Variants in HDAC7 observed in about 807,000 individuals in gnomAD.
HDAC7 encodes the protein histone deacetylase 7A.
HDAC7 carries 26 observed loss-of-function variants against 115.5 expected under a neutral mutation model. The observed-to-expected ratio is 0.23, with a 90% confidence interval of 0.16 to 0.31. The LOEUF (loss-of-function observed/expected upper bound fraction) is 0.31, where lower values mean the gene tolerates loss of function less well. Among genes scored for constraint, HDAC7 ranks in the 10% least tolerant of loss-of-function variants. The pLI is 1.00. For synonymous variants in HDAC7, 564 were observed against 550.9 expected, an observed-to-expected ratio of 1.02 and a Z score of -0.33; for missense variants, 1,068 against 1,329.0, an observed-to-expected ratio of 0.80 and a Z score of 3.05.
intron 2 of HDAC7, among the ~76,000 whole-genome samples, 182 bp downstream of exon 2, chr12:47,802,042 C>A (rs1396393745): frequency 6.6e-6 from 1 of 152,236 alleles, no homozygotes; most frequent in African/African-American, 2.4e-5. Flanking sequence ...GCCCAGCCAG[C>A]ATCCAGAGCT....
At chr12:47,813,817 G>A (rs7303453) in intron 1 of HDAC7, among the ~76,000 whole-genome samples, 11,272 of 152,220 alleles carry the variant, frequency 0.074, 518 homozygotes, top group African/African-American at 0.13. Flanking sequence ...GGGGAAAAGC[G>A]GACCTGGAGT....
Position 47,795,503 on chromosome 12 carries a change from G to T in HDAC7, c.1087+84C>A. ...GCGCAGGACAGGGGGACAGAGATGGGGAGGAAGGATGGGTCCATCCCAAGC... is the reference window on the plus strand; with the variant it reads ...GCGCAGGACAGGGGGACAGAGATGGTGAGGAAGGATGGGTCCATCCCAAGC... On this transcript the variant is annotated intron_variant, in intron 10 of 25. Coordinates refer to ENST00000080059, the MANE Select transcript of HDAC7 (RefSeq NM_015401.5). This position sits in a 1 kb window ranked among gnomAD's most constrained non-coding sequence, Gnocchi z 4.3. 1 of 1,446,578 alleles carries T rather than the reference G, an allele frequency of 6.9e-7. No homozygotes were observed. 89.6% of individuals were successfully genotyped at this position (1,446,578 alleles called of 1,614,324 possible). A position where few individuals can be genotyped will look rare whatever the true frequency, so the allele number is the denominator to read the frequency against.
intron 1 of HDAC7, among the ~76,000 whole-genome samples, chr12:47,806,461 GGCAGATTACTT>G (rs1431639529): frequency 2.0e-5 from 3 of 152,188 alleles, no homozygotes; most frequent in Non-Finnish European, 4.4e-5. Context: ...GGCCAAGGCG[GGCAGATTACTT>G]GAGGTCAGGA....
chr12:47,792,135 C>A (rs976532348), intron 13 of HDAC7, 131 bp from the exon 14 acceptor site: 118 of 1,029,480 alleles, frequency 1.1e-4, no homozygotes, highest in Non-Finnish European at 1.5e-4. Context: ...CCCTCACACC[C>A]ACACAGGCCT....
chr12:47,795,816 A>AGATTC lies in HDAC7; in HGVS notation c.907-50_907-49insGAATC. 1 of 1,429,804 alleles carries AGATTC rather than the reference A, an allele frequency of 7.0e-7. No individual in the cohort carries two copies. Among genetic ancestry groups the AGATTC allele is most frequent in the Non-Finnish European group, 9.3e-7 (1 of 1,074,098 alleles). 88.6% of individuals were successfully genotyped at this position (1,429,804 alleles called of 1,614,324 possible). ...ACGGGGAAGAAGATTCCAGCAGAGA[A>AGATTC]CAATGAAGATGATGGGGTGAGGCAG... is the stretch of plus-strand genomic sequence containing the variant. On this transcript the variant is annotated intron_variant, in intron 9 of 25. Coordinates refer to ENST00000080059, the MANE Select transcript of HDAC7 (RefSeq NM_015401.5). This position sits in a 1 kb window ranked among gnomAD's most constrained non-coding sequence, Gnocchi z 4.3.
chr12:47,802,423 G>A (rs1441696118), intron 1 of HDAC7, 149 bp from the exon 2 acceptor site: 10 of 1,544,572 alleles, frequency 6.5e-6, no homozygotes, highest in African/African-American at 1.4e-5. Context: ...TAATCAAAAC[G>A]AGAAGACCCC....
At position 47,810,842 on chromosome 12, in the gene HDAC7, C is replaced by CTCTCTCTA. The variant is rs1565585991; in HGVS notation, c.20-8569_20-8568insTAGAGAGA. On this transcript the variant is annotated intron_variant, in intron 1 of 25. Coordinates refer to ENST00000080059, the MANE Select transcript of HDAC7 (RefSeq NM_015401.5). ...TCTCTCTCTCTCTCTCTCTCTCTCT[C>CTCTCTCTA]TCTCTATCTCTATCTCTGTCTCTCA... Among the ~76,000 whole-genome samples, 9 of 93,242 alleles carry CTCTCTCTA rather than the reference C, an allele frequency of 9.7e-5. No individual in the cohort carries two copies. In the South Asian group the frequency reaches 9.9e-4, roughly 10 times the overall value. 61.2% of individuals were successfully genotyped at this position (93,242 alleles called of 152,430 possible). A position where few individuals can be genotyped will look rare whatever the true frequency, so the allele number is the denominator to read the frequency against.
At position 47,785,368 on chromosome 12, in the gene HDAC7, G is replaced by A; in HGVS notation, c.2791+19C>T. The A allele has an allele frequency of 1.3e-6, 2 of 1,589,692 alleles. No homozygotes were observed. Among genetic ancestry groups the A allele is most frequent in the Non-Finnish European group, 1.7e-6 (2 of 1,165,802 alleles). ...ATCCTTCAGTCTGAGCTCAGCGAGT[G>A]TCCCATCTCCACACTTACTGTGCAC... On this transcript the variant is annotated intron_variant, in intron 24 of 25. Coordinates refer to ENST00000080059, the MANE Select transcript of HDAC7 (RefSeq NM_015401.5).
intron 1 of HDAC7, chr12:47,813,293 C>A (rs1944749491): frequency 6.6e-6 from 1 of 151,816 alleles, no homozygotes; most frequent in African/African-American, 2.4e-5. Flanking sequence ...ACGTCCCGGA[C>A]GTGCAGGTTT....
Position 47,797,990 on chromosome 12 carries a change from T to G in HDAC7, c.461+118A>C. The G allele has an allele frequency of 6.7e-6, 5 of 745,118 alleles. No homozygotes were observed. 46.2% of individuals were successfully genotyped at this position (745,118 alleles called of 1,614,324 possible). ...GGGGGCATTATGTTTAGAGGAAGGG[T>G]AAGGACTGGTTGTGGCAACTGGGGA... On this transcript the variant is annotated intron_variant, in intron 5 of 25. Coordinates refer to ENST00000080059, the MANE Select transcript of HDAC7 (RefSeq NM_015401.5). The surrounding 1 kb of genome is among the most constrained non-coding windows in gnomAD (Gnocchi z 5.5).
Position 47,785,413 on chromosome 12 carries a change from G to C in HDAC7, c.2765C>G (p.Ser922Cys), listed in dbSNP as rs1943121598. 1 of 1,612,812 alleles carries C rather than the reference G, an allele frequency of 6.2e-7. No individual in the cohort carries two copies. The highest frequency in any genetic ancestry group is 1.3e-5 in the African/African-American group (1 of 74,956). The stretch of plus-strand genomic sequence containing the variant: ...GTGCACCCGGATCACGGCCTCCAGA[G>C]AGCGGATGGCATTGAGGTTGGGTTT... ...KQKPNLNAIR[S>C]LEAVIRVHSK... The change falls in exon 24 of 26, where the codon TCT becomes TGT. Residue 922 changes from serine to cysteine, a missense_variant. Transcript: ENST00000080059.
chr12:47,795,565 C>A lies in HDAC7; in HGVS notation c.1087+22G>T. The A allele has an allele frequency of 6.4e-7, 1 of 1,551,888 alleles. No individual in the cohort carries two copies. The highest frequency in any genetic ancestry group is 8.7e-7 in the Non-Finnish European group (1 of 1,148,408). The stretch of plus-strand genomic sequence containing the variant: ...CAGGGTGCAGGGACCCAGCCCCTTC[C>A]CTGAAGAAGCAGCAGACTCACCAGT... On this transcript the variant is annotated intron_variant, in intron 10 of 25. Coordinates refer to ENST00000080059, the MANE Select transcript of HDAC7 (RefSeq NM_015401.5). The surrounding 1 kb of genome is among the most constrained non-coding windows in gnomAD (Gnocchi z 4.3).
In HDAC7 at chr12:47,798,172, G is replaced by A; in HGVS notation, c.397C>T (p.Leu133=). 6.2e-7 allele frequency: 1 copy of A among 1,613,848 alleles called. No homozygotes were observed. The highest frequency in any genetic ancestry group is 8.5e-7 in the Non-Finnish European group (1 of 1,179,928). The change falls in exon 5 of 26, where the codon CTG becomes TTG. Residue 133 remains leucine, a synonymous_variant. Coordinates refer to ENST00000080059, the MANE Select transcript of HDAC7 (RefSeq NM_015401.5). This position sits in a 1 kb window ranked among gnomAD's most constrained non-coding sequence, Gnocchi z 4.3. ...VVKQKLAEVI[L]KKQQAALERT... ...TCTAGGGCCGCCTGCTGTTTTTTCA[G>A]AATCACCTCCGCTAGCTTCTGCTTG...
intron 1 of HDAC7, among the ~76,000 whole-genome samples, chr12:47,804,330 G>A (rs1012521227): frequency 2.6e-5 from 4 of 152,100 alleles, no homozygotes; most frequent in Non-Finnish European, 4.4e-5. Flanking sequence ...AGCGCAGAGC[G>A]ACAGAGATTA....
intron 20 of HDAC7, 43 bp from the exon 21 acceptor site, chr12:47,787,852 C>G: frequency 1.3e-6 from 2 of 1,574,994 alleles, no homozygotes; most frequent in Middle Eastern, 1.7e-4. Flanking sequence ...CAGCAGAGTC[C>G]CAGAAGGGGA....
intron 16 of HDAC7, chr12:47,790,829 G>A (rs960278561): frequency 5.2e-5 from 12 of 232,986 alleles, no homozygotes; most frequent in South Asian, 1.1e-4. Flanking sequence ...CAAGGACACC[G>A]GAAGCACCAC....
At chr12:47,787,215 T>G in intron 21 of HDAC7, among the ~76,000 whole-genome samples, 1 of 123,134 alleles carries the variant, frequency 8.1e-6, no homozygotes, top group East Asian at 2.6e-4. Flanking sequence ...CTGGCTACAT[T>G]CTCTCATCCT....
chr12:47,821,112 C>G (rs935020250), upstream of HDAC7, among the ~76,000 whole-genome samples: 1 of 152,162 alleles, frequency 6.6e-6, no homozygotes, highest in African/African-American at 2.4e-5. Flanking sequence ...GAGCAGCTTC[C>G]CCTGACCCCA....
In HDAC7 at chr12:47,794,846, C is replaced by T. The variant is rs1396176504; in HGVS notation, c.1372G>A (p.Val458Met). The T allele has an allele frequency of 1.9e-6, 3 of 1,613,382 alleles. No individual in the cohort carries two copies. Among genetic ancestry groups the T allele is most frequent in the Non-Finnish European group, 2.5e-6 (3 of 1,179,996 alleles). Residue 458 changes from valine to methionine, a missense_variant, in exon 12 of 26, where the codon GTG becomes ATG. Around this residue, in one of 6 missense-constraint regions of HDAC7, gnomAD observed 618 missense variants for 701.5 expected, o/e 0.88. Transcript: ENST00000080059. ...CTGTGCTCCAGGCCATCGTCCACCACCTGGCCCGGTCCCCCGCCATCTGTC... is the reference window on the plus strand; with the variant it reads ...CTGTGCTCCAGGCCATCGTCCACCATCTGGCCCGGTCCCCCGCCATCTGTC... The part of the protein sequence containing the change: ...LETDGGGPGQ[V>M]VDDGLEHREL...
Sources: allele counts gnomAD v4.1 joint callset (sites outside exome capture counted in the v4.1 genomes callset), GRCh38; gene constraint gnomAD v4.1.1; regional missense constraint gnomAD v4.1.1; non-coding constraint Gnocchi (gnomAD v3.1); transcripts MANE v1.5; gene names NCBI Gene and HGNC (gene_info 2026-07-23, HGNC 2026-07-21).